ACSL3: variants seen among roughly 807,000 people sequenced by gnomAD.
ACSL3 encodes the protein acyl-CoA synthetase long chain family member 3.
Under a neutral mutation model 84.7 loss-of-function variants are expected in ACSL3, and 34 were observed. The ratio of observed to expected loss-of-function variants is 0.40; its 90% CI spans 0.31 to 0.53. The LOEUF is 0.53. Ranked by LOEUF, ACSL3 falls within the 20% of genes least tolerant of loss-of-function variation. The probability of loss-of-function intolerance (pLI) is 0.48; values close to 1 mark genes in which losing one functional copy is unlikely to be tolerated. For missense variants in ACSL3, 680 were observed against 873.1 expected, an observed-to-expected ratio of 0.78 and a Z score of 2.79; for synonymous variants, 315 against 299.4, an observed-to-expected ratio of 1.05 and a Z score of -0.54.
At chr2:222,925,333 C>T (rs1696850151) in intron 11 of ACSL3, among the ~76,000 whole-genome samples, 1 of 127,616 alleles carries the variant, frequency 7.8e-6, no homozygotes, top group Non-Finnish European at 1.6e-5. Flanking sequence ...GAGTGCGAGA[C>T]TCTTGTCTCA....
intron 2 of ACSL3, among the ~76,000 whole-genome samples, chr2:222,889,994 A>G (rs1361773457): frequency 2.0e-5 from 3 of 152,268 alleles, no homozygotes; most frequent in Admixed American, 6.5e-5. Context: ...GAATTTAAAG[A>G]TAAAAAAGCA....
intron 1 of ACSL3, among the ~76,000 whole-genome samples, chr2:222,882,639 A>G (rs761928907): frequency 5.3e-5 from 8 of 151,758 alleles, no homozygotes; most frequent in Non-Finnish European, 8.8e-5. Context: ...CTCAGGCGGT[A>G]ATACTTGCTC....
chr2:222,918,980 T>C, intron 6 of ACSL3, 84 bp from the exon 7 acceptor site: 2 of 1,494,520 alleles, frequency 1.3e-6, no homozygotes, highest in Non-Finnish European at 1.8e-6. Flanking sequence ...TACTTAATGA[T>C]TCACCGAATA....
At chr2:222,935,065 T>TA (rs529036867) in intron 16 of ACSL3, among the ~76,000 whole-genome samples, 210 of 152,368 alleles carry the variant, frequency 1.4e-3, no homozygotes, top group Admixed American at 2.8e-3. Flanking sequence ...GTTGTACTAA[T>TA]AGTTTCATAA....
At chr2:222,863,293 T>C (rs1695058233) in intron 1 of ACSL3, among the ~76,000 whole-genome samples, 1 of 152,220 alleles carries the variant, frequency 6.6e-6, no homozygotes, top group South Asian at 2.1e-4. Context: ...TTTTTTGAAT[T>C]GATGTGGTGA....
At chr2:222,884,073 C>G (rs1216762065) in intron 1 of ACSL3, among the ~76,000 whole-genome samples, 2 of 152,112 alleles carry the variant, frequency 1.3e-5, no homozygotes, top group African/African-American at 4.8e-5. Flanking sequence ...CTGTTTGTCT[C>G]TTTCTTTGAT....
intron 1 of ACSL3, among the ~76,000 whole-genome samples, chr2:222,875,306 C>CT (rs1245492790): frequency 6.6e-6 from 1 of 151,730 alleles, no homozygotes; most frequent in East Asian, 1.9e-4. Flanking sequence ...AGATTGGGGA[C>CT]GGAAGGAATG....
At position 222,921,305 on chromosome 2, in the gene ACSL3, G is replaced by T. The variant is rs1559297918; in HGVS notation, c.831G>T (p.Leu277Phe). ...SMENQPHSKP[L>F]PSDIAVIMYT... Reference sequence around the variant, plus strand: ...AAAACCAACCTCATAGCAAACCATTGCCCTCAGATATTGCAGTAATCATGT... The same window carrying T: ...AAAACCAACCTCATAGCAAACCATTTCCCTCAGATATTGCAGTAATCATGT... The change falls in exon 8 of 17, where the codon TTG becomes TTT. Residue 277 changes from leucine to phenylalanine, a missense_variant. Transcript: ENST00000357430. 1.3e-6 allele frequency: 2 copies of T among 1,597,214 alleles called. No individual in the cohort carries two copies. The highest frequency in any genetic ancestry group is 2.2e-5 in the South Asian group (2 of 90,404).
chr2:222,924,751 C>T (rs761197725), intron 11 of ACSL3, among the ~76,000 whole-genome samples, 156 bp downstream of exon 11: 3 of 152,138 alleles, frequency 2.0e-5, no homozygotes, highest in Non-Finnish European at 4.4e-5. Flanking sequence ...AGGCCAGGCG[C>T]GGTGGCTCAT....
intron 3 of ACSL3, among the ~76,000 whole-genome samples, chr2:222,908,304 G>A (rs986781407): frequency 4.3e-4 from 65 of 152,192 alleles, no homozygotes; most frequent in African/African-American, 1.4e-3. Flanking sequence ...TCACAGGGAA[G>A]GAATGTGGTG....
At chr2:222,869,695 T>C (rs1302497384) in intron 1 of ACSL3, among the ~76,000 whole-genome samples, 1 of 152,072 alleles carries the variant, frequency 6.6e-6, no homozygotes, top group African/African-American at 2.4e-5. Context: ...ATGTTAGATT[T>C]GAAGAAAGAT....
chr2:222,931,696 C>T (rs1186476994), intron 14 of ACSL3, among the ~76,000 whole-genome samples: 1 of 152,218 alleles, frequency 6.6e-6, no homozygotes, highest in African/African-American at 2.4e-5. Context: ...AATTACTAAA[C>T]ATGGATCTTA....
At chr2:222,882,053 C>CG (rs1695602819) in intron 1 of ACSL3, among the ~76,000 whole-genome samples, 1 of 152,098 alleles carries the variant, frequency 6.6e-6, no homozygotes, top group South Asian at 2.1e-4. Flanking sequence ...TGGTATGTCA[C>CG]GTTTTGGAAT....
chr2:222,901,876 G>A (rs554360779), intron 3 of ACSL3, among the ~76,000 whole-genome samples: 6 of 141,342 alleles, frequency 4.2e-5, no homozygotes, highest in East Asian at 4.3e-4. Flanking sequence ...ACCCGGAGGC[G>A]AAGGTTGTAG....
chr2:222,924,537 G>T lies in ACSL3; in HGVS notation c.1234G>T (p.Ala412Ser), dbSNP rs915711555. ...SSFQRNLFIL[A>S]YNYKMEQISK... ...TTTTCAACGTAATCTGTTTATTCTG[G>T]CCTATAATTACAAAATGGAACAGAT... is the stretch of plus-strand genomic sequence containing the variant. Residue 412 changes from alanine (A) to serine (S), a missense_variant, in exon 11 of 17, where the codon GCC becomes TCC. Ala to Ser is a moderately conservative substitution (Grantham distance 99, BLOSUM62 1). Coordinates refer to ENST00000357430, the MANE Select transcript of ACSL3 (RefSeq NM_004457.5). 6.2e-7 allele frequency: 1 copy of T among 1,610,594 alleles called. No individual in the cohort carries two copies. The highest frequency in any genetic ancestry group is 8.5e-7 in the Non-Finnish European group (1 of 1,178,538).
At chr2:222,922,666 C>A (rs754721929) in intron 8 of ACSL3, 42 bp from the exon 9 acceptor site, 1 of 1,610,722 alleles carries the variant, frequency 6.2e-7, no homozygotes, top group East Asian at 2.2e-5. Flanking sequence ...TTGGCATAGA[C>A]GACACCTGAC....
At chr2:222,873,247 C>G (rs1181451078) in intron 1 of ACSL3, among the ~76,000 whole-genome samples, 2 of 151,980 alleles carry the variant, frequency 1.3e-5, no homozygotes, top group Non-Finnish European at 2.9e-5. Flanking sequence ...AACAATATAC[C>G]TGACCATATA....
chr2:222,939,833 C>T (rs1008133779), intron 16 of ACSL3, among the ~76,000 whole-genome samples: 13 of 152,138 alleles, frequency 8.5e-5, no homozygotes, highest in Non-Finnish European at 1.5e-4. Flanking sequence ...GGAGGGACTG[C>T]GTTTTCCTAT....
chr2:222,910,431 T>A (rs1443808059), intron 4 of ACSL3, among the ~76,000 whole-genome samples: 1 of 152,192 alleles, frequency 6.6e-6, no homozygotes, highest in Non-Finnish European at 1.5e-5. Context: ...CTTTTTTTCC[T>A]GTCAGTTACA....
Sources: gnomAD v4.1 joint callset for allele counts (sites outside exome capture counted in the v4.1 genomes callset) on GRCh38, gnomAD v4.1.1 for gene constraint, MANE v1.5 for transcripts, NCBI Gene and HGNC (gene_info 2026-07-23, HGNC 2026-07-21) for gene names.